OLFML2A: variants seen among roughly 807,000 people sequenced by gnomAD.
OLFML2A encodes the protein olfactomedin-like protein 2A.
Under a neutral mutation model 60.9 loss-of-function variants are expected in OLFML2A, and 47 were observed. The ratio of observed to expected loss-of-function variants is 0.77; its 90% CI spans 0.61 to 0.98. OLFML2A has a LOEUF of 0.98. Ranked by LOEUF, OLFML2A falls within the 50% of genes least tolerant of loss-of-function variation. The pLI is 0.00. For synonymous variants in OLFML2A, 372 were observed against 375.0 expected (o/e 0.99, Z 0.09); for missense variants, 922 against 879.8 (o/e 1.05, Z -0.61).
In OLFML2A at chr9:124,810,285, G is replaced by A. The variant is rs765852707; in HGVS notation, c.1832G>A (p.Arg611His). 11 of 1,609,698 alleles carry A rather than the reference G, an allele frequency of 6.8e-6. No homozygotes were observed. The East Asian group carries it at 8.9e-5, about 13-fold the overall frequency. The part of the protein sequence containing the change: ...AFDTHTGTDA[R>H]PQLPFLNEHA... ...GACACGCACACGGGCACCGACGCAC[G>A]CCCCCAGCTGCCGTTCCTCAACGAG... Residue 611 changes from arginine to histidine, a missense_variant, in exon 8 of 8, where the codon CGC becomes CAC. Arg to His is a conservative substitution (Grantham distance 29, BLOSUM62 0). Coordinates refer to ENST00000373580, the MANE Select transcript of OLFML2A (RefSeq NM_182487.4).
intron 7 of OLFML2A, among the ~76,000 whole-genome samples, chr9:124,808,784 T>C (rs1428279165): frequency 1.3e-5 from 2 of 151,818 alleles, no homozygotes; most frequent in Non-Finnish European, 2.9e-5. Context: ...GGATGGTGAC[T>C]GAGTAAGCTG....
chr9:124,787,376 C>T, intron 2 of OLFML2A, 138 bp downstream of exon 2: 1 of 802,572 alleles, frequency 1.2e-6, no homozygotes, highest in Admixed American at 2.7e-5. Context: ...ACTGAGGCTC[C>T]CTGAGGGGAA....
chr9:124,789,916 G>A (rs1841541496), intron 2 of OLFML2A, among the ~76,000 whole-genome samples: 1 of 152,160 alleles, frequency 6.6e-6, no homozygotes, highest in South Asian at 2.1e-4. Context: ...CAGGCCATAG[G>A]CCAGTCTTCA....
intron 2 of OLFML2A, among the ~76,000 whole-genome samples, chr9:124,791,915 G>C (rs745518847): frequency 6.6e-6 from 1 of 152,070 alleles, no homozygotes; most frequent in African/African-American, 2.4e-5. Flanking sequence ...CTGCTATTAA[G>C]CATTTTGAAC....
intron 6 of OLFML2A, among the ~76,000 whole-genome samples, chr9:124,805,621 G>A (rs1841877495): frequency 6.6e-6 from 1 of 152,036 alleles, no homozygotes; most frequent in African/African-American, 2.4e-5. Flanking sequence ...ATGGGAGAAT[G>A]GTGGGAGGGG....
intron 2 of OLFML2A, among the ~76,000 whole-genome samples, chr9:124,788,314 TAAAG>T (rs1245746622): frequency 1.6e-5 from 2 of 126,210 alleles, no homozygotes; most frequent in African/African-American, 3.0e-5. Context: ...AAAAAAAAAA[TAAAG>T]AAACCCAGGC....
rs1275638553 is a variant in OLFML2A at position 124,813,479 on chromosome 9, A to C, written c.*3067A>C. 1 of 152,208 alleles carries C rather than the reference A, an allele frequency of 6.6e-6. No homozygotes were observed. The highest frequency in any genetic ancestry group is 1.5e-5 in the Non-Finnish European group (1 of 68,068). 9.4% of individuals were successfully genotyped at this position (152,208 alleles called of 1,614,324 possible). On this transcript the variant is annotated 3_prime_UTR_variant, in exon 8 of 8. Coordinates refer to ENST00000373580, the MANE Select transcript of OLFML2A (RefSeq NM_182487.4). ...TACAGATGAGGACATTGAGGAGAAG[A>C]GACTTACCCAGGCTCACACAGCAGC...
rs200982860 is a variant in OLFML2A at position 124,804,221 on chromosome 9, C to A, written c.1047C>A (p.Asp349Glu). The A allele has an allele frequency of 1.2e-6, 2 of 1,614,014 alleles. No individual in the cohort carries two copies. Among genetic ancestry groups the A allele is most frequent in the African/African-American group, 1.3e-5 (1 of 75,016 alleles). Residue 349 changes from aspartate (D) to glutamate (E), a missense_variant, in exon 6 of 8, where the codon GAC becomes GAA. By Grantham distance (45) the Asp-to-Glu change is conservative. Coordinates refer to ENST00000373580, the MANE Select transcript of OLFML2A (RefSeq NM_182487.4). ...AGCCCAGGTCCTCCGAGCGAGTGGA[C>A]CTGGCTTCTGGCACCCCCACTTCAA... ...EAEPRSSERV[D>E]LASGTPTSIP...
chr9:124,798,472 C>T (rs904494114), intron 3 of OLFML2A, among the ~76,000 whole-genome samples: 2 of 151,916 alleles, frequency 1.3e-5, no homozygotes, highest in Non-Finnish European at 2.9e-5. Context: ...GAGCCAAGAT[C>T]GCACCACTGC....
intron 5 of OLFML2A, among the ~76,000 whole-genome samples, chr9:124,802,967 G>A (rs561268034): frequency 5.3e-5 from 8 of 151,894 alleles, no homozygotes; most frequent in African/African-American, 1.5e-4. Context: ...GTGGTGCAGC[G>A]GTGCAATCTC....
chr9:124,782,776 GA>G (rs1343707171), intron 1 of OLFML2A, among the ~76,000 whole-genome samples: 5 of 152,212 alleles, frequency 3.3e-5, no homozygotes, highest in Non-Finnish European at 5.9e-5. Context: ...TCTGAGGAGG[GA>G]AGGAATGTCA....
At chr9:124,788,464 C>T (rs1484820557) in intron 2 of OLFML2A, among the ~76,000 whole-genome samples, 1 of 150,572 alleles carries the variant, frequency 6.6e-6, no homozygotes, top group Non-Finnish European at 1.5e-5. Flanking sequence ...AAATTAACCC[C>T]GCATGGTGGT....
Position 124,810,162 on chromosome 9 carries a change from TGCGGC to T in OLFML2A, c.1711_1715del (p.Arg571GlufsTer105). The T allele has an allele frequency of 6.2e-7, 1 of 1,613,890 alleles. No homozygotes were observed. On this transcript the variant is annotated frameshift_variant, in exon 8 of 8. Transcript: ENST00000373580. LOFTEE classifies it high-confidence loss of function. Reference sequence around the variant, plus strand: ...CGGGAGACCACGTGGAAGACACGGCTGCGGCGGAACTCCTACGGGAACTGCTTCCT... The same window carrying T: ...CGGGAGACCACGTGGAAGACACGGCTGGAACTCCTACGGGAACTGCTTCCT...
In OLFML2A at chr9:124,799,277, C is replaced by T. The variant is rs1417313890; in HGVS notation, c.463-8C>T. On this transcript the variant is annotated splice_polypyrimidine_tract_variant and splice_region_variant and intron_variant, in intron 3 of 7. Coordinates refer to ENST00000373580, the MANE Select transcript of OLFML2A (RefSeq NM_182487.4). ...CAGGAAAGACCTCCAATCCTGCCCC[C>T]TCCGCAGAGCATCAAGGCCAACCTG... 6.3e-7 allele frequency: 1 copy of T among 1,597,706 alleles called. No individual in the cohort carries two copies. Among genetic ancestry groups the T allele is most frequent in the Admixed American group, 1.7e-5 (1 of 59,900 alleles).
intron 6 of OLFML2A, among the ~76,000 whole-genome samples, chr9:124,806,671 A>T (rs766449433): frequency 6.6e-6 from 1 of 151,030 alleles, no homozygotes; most frequent in Non-Finnish European, 1.5e-5. Flanking sequence ...ACCCGGCTGG[A>T]GTGCAATTGT....
chr9:124,777,349 G>T lies in OLFML2A; in HGVS notation c.79G>T (p.Ala27Ser). Residue 27 changes from alanine (A) to serine (S), a missense_variant, in exon 1 of 8, where the codon GCC becomes TCC. Coordinates refer to ENST00000373580, the MANE Select transcript of OLFML2A (RefSeq NM_182487.4). The surrounding 1 kb of genome is among the most constrained non-coding windows in gnomAD (Gnocchi z 6.2). ...VLLLSGRPTR[A>S]DSKVFGDLDQ... ...GCTGCTGAGCGGCCGCCCCACGCGCGCCGACAGTAAGGTACGCACGCCCCT... is the reference window on the plus strand; with the variant it reads ...GCTGCTGAGCGGCCGCCCCACGCGCTCCGACAGTAAGGTACGCACGCCCCT... The T allele has an allele frequency of 7.8e-7, 1 of 1,288,344 alleles. No homozygotes were observed. The highest frequency in any genetic ancestry group is 9.9e-7 in the Non-Finnish European group (1 of 1,013,076). The allele number at this position is 1,288,344 out of a possible 1,614,324, so 79.8% of individuals were successfully genotyped here. A position where few individuals can be genotyped will look rare whatever the true frequency, so the allele number is the denominator to read the frequency against.
At chr9:124,799,578 G>A (rs1025289237) in intron 4 of OLFML2A, 87 bp downstream of exon 4, 19 of 1,122,276 alleles carry the variant, frequency 1.7e-5, no homozygotes, top group East Asian at 2.6e-5. Flanking sequence ...GGATCAGCTC[G>A]ATGGGGGTTT....
chr9:124,808,753 C>T (rs143404701), intron 7 of OLFML2A, among the ~76,000 whole-genome samples: 45 of 152,026 alleles, frequency 3.0e-4, no homozygotes, highest in African/African-American at 1.1e-3. Context: ...TGAGAGGAAA[C>T]GTGATGGCCT....
At position 124,804,293 on chromosome 9, in the gene OLFML2A, C is replaced by A; in HGVS notation, c.1119C>A (p.Thr373=). ...CCACCACCACCCCAACCCCCACCAC[C>A]AGTCTCCTGCCCACCGAGCCACCTT... The part of the protein sequence containing the change: ...TTATTTPTPT[T]SLLPTEPPSG... Residue 373 remains threonine, a synonymous_variant, in exon 6 of 8, where the codon ACC becomes ACA. Coordinates refer to ENST00000373580, the MANE Select transcript of OLFML2A (RefSeq NM_182487.4). The A allele has an allele frequency of 2.6e-6, 4 of 1,561,850 alleles. No individual in the cohort carries two copies. Among genetic ancestry groups the A allele is most frequent in the Non-Finnish European group, 3.5e-6 (4 of 1,154,236 alleles).
Sources: gnomAD v4.1 joint callset for allele counts (sites outside exome capture counted in the v4.1 genomes callset) on GRCh38, gnomAD v4.1.1 for gene constraint, Gnocchi (gnomAD v3.1) non-coding constraint, MANE v1.5 for transcripts, NCBI Gene and HGNC (gene_info 2026-07-23, HGNC 2026-07-21) for gene names.